Variants in AGFG1 observed in about 807,000 individuals in gnomAD.
AGFG1 encodes the protein ArfGAP with FG repeats 1.
In AGFG1, 10 loss-of-function variants were observed where a neutral mutation model predicts 60.6. That is an observed-to-expected ratio of 0.16 (90% CI 0.10 to 0.28). The LOEUF (loss-of-function observed/expected upper bound fraction) is 0.28. Ranked by LOEUF, AGFG1 falls within the 10% of genes least tolerant of loss-of-function variation. The pLI is 1.00. For missense variants in AGFG1, 537 were observed against 676.5 expected, an observed-to-expected ratio of 0.79 and a Z score of 2.29; for synonymous variants, 247 against 242.9, an observed-to-expected ratio of 1.02 and a Z score of -0.16.
At chr2:227,498,897 T>C (rs558588705) in intron 2 of AGFG1, among the ~76,000 whole-genome samples, 10 of 152,358 alleles carry the variant, frequency 6.6e-5, no homozygotes, top group Non-Finnish European at 1.3e-4. Flanking sequence ...TTTCTTGCCA[T>C]TGTGTGTTAT....
At chr2:227,496,200 G>A (rs1337110058) in intron 2 of AGFG1, among the ~76,000 whole-genome samples, 3 of 151,880 alleles carry the variant, frequency 2.0e-5, no homozygotes, top group African/African-American at 7.3e-5. Context: ...GGCATTGCAT[G>A]CCAGTATTTG....
At chr2:227,495,735 T>C (rs567912535) in intron 2 of AGFG1, among the ~76,000 whole-genome samples, 1 of 152,134 alleles carries the variant, frequency 6.6e-6, no homozygotes, top group East Asian at 1.9e-4. Context: ...AATAATTTTA[T>C]TTTGAAATAT....
At chr2:227,503,572 C>T (rs1361815192) in intron 2 of AGFG1, among the ~76,000 whole-genome samples, 2 of 152,140 alleles carry the variant, frequency 1.3e-5, no homozygotes, top group African/African-American at 4.8e-5. Flanking sequence ...CTCATTTCTC[C>T]CTCCACTGTT....
chr2:227,534,489 T>C (rs924525373), intron 7 of AGFG1, among the ~76,000 whole-genome samples: 2 of 152,226 alleles, frequency 1.3e-5, no homozygotes, highest in Non-Finnish European at 2.9e-5. Flanking sequence ...GATAGACTGT[T>C]CACATTAGGT....
chr2:227,536,806 T>C (rs1044382958), intron 9 of AGFG1, 95 bp from the exon 10 acceptor site: 19 of 1,546,656 alleles, frequency 1.2e-5, no homozygotes, highest in Non-Finnish European at 1.6e-5. Context: ...ATCAGAATCC[T>C]TGAGTTTTCT....
At chr2:227,530,260 A>C (rs898479547) in intron 5 of AGFG1, among the ~76,000 whole-genome samples, 2 of 152,138 alleles carry the variant, frequency 1.3e-5, no homozygotes, top group African/African-American at 4.8e-5. Flanking sequence ...GAGTGTCCAG[A>C]CAGTAATTTT....
At chr2:227,497,768 G>T (rs1356115490) in intron 2 of AGFG1, among the ~76,000 whole-genome samples, 1 of 107,680 alleles carries the variant, frequency 9.3e-6, no homozygotes, top group Non-Finnish European at 1.7e-5. Flanking sequence ...TTTTGGGGAC[G>T]GAGTCTTACT....
intron 1 of AGFG1, among the ~76,000 whole-genome samples, chr2:227,483,416 T>C (rs1243179626): frequency 2.0e-5 from 3 of 152,146 alleles, no homozygotes; most frequent in Non-Finnish European, 1.5e-5. Flanking sequence ...TCTTAACATA[T>C]GTATAGATTC....
At chr2:227,482,104 A>C (rs941364299) in intron 1 of AGFG1, among the ~76,000 whole-genome samples, 11 of 152,038 alleles carry the variant, frequency 7.2e-5, no homozygotes, top group African/African-American at 1.2e-4. Flanking sequence ...TGACCTCGTG[A>C]TCTGCCCGCT....
rs537915528 is a variant in AGFG1, at chr2:227,548,057, C to T, written c.1379-3902C>T. ...CTACAACATGGATGAACCTTGAAAA[C>T]ATTCTGCTGAGCAGAAGAAACTCGT... is the stretch of plus-strand genomic sequence containing the variant. On this transcript the variant is annotated intron_variant, in intron 10 of 12. Coordinates refer to ENST00000310078, the MANE Select transcript of AGFG1 (RefSeq NM_004504.5). Among the ~76,000 whole-genome samples, 5 of 152,322 alleles carry T rather than the reference C, an allele frequency of 3.3e-5. No homozygotes were observed. In the South Asian group the frequency reaches 1.0e-3, roughly 32 times the overall value.
intron 10 of AGFG1, among the ~76,000 whole-genome samples, chr2:227,541,684 T>C (rs1692496245): frequency 6.6e-6 from 1 of 152,200 alleles, no homozygotes; most frequent in Non-Finnish European, 1.5e-5. Context: ...TGCAGGCTCT[T>C]TTTTGGTTCC....
chr2:227,487,749 G>A (rs1690683759), intron 1 of AGFG1, among the ~76,000 whole-genome samples: 1 of 152,136 alleles, frequency 6.6e-6, no homozygotes, highest in South Asian at 2.1e-4. Context: ...AGGGTGGGGT[G>A]TGGGTGGTAT....
intron 6 of AGFG1, chr2:227,532,092 G>GT (rs1559191041): frequency 4.2e-6 from 6 of 1,445,366 alleles, no homozygotes; most frequent in South Asian, 1.3e-5. Context: ...TTTCTTTTTT[G>GT]TTTTTTCTTT....
chr2:227,545,357 G>A (rs368033490), intron 10 of AGFG1, among the ~76,000 whole-genome samples: 35 of 152,118 alleles, frequency 2.3e-4, no homozygotes, highest in Middle Eastern at 6.3e-3. Flanking sequence ...TTTGCCATTC[G>A]TCTAATCTTT....
At chr2:227,496,164 A>G (rs528722665) in intron 2 of AGFG1, among the ~76,000 whole-genome samples, 2 of 151,964 alleles carry the variant, frequency 1.3e-5, no homozygotes, top group Admixed American at 6.5e-5. Context: ...CTCCACAGGC[A>G]TGGTCTATGT....
intron 2 of AGFG1, among the ~76,000 whole-genome samples, chr2:227,497,849 A>C (rs1420836679): frequency 1.4e-5 from 2 of 140,982 alleles, no homozygotes; most frequent in Non-Finnish European, 3.0e-5. Flanking sequence ...GATTCAAGTG[A>C]TTCTCCTGCC....
At chr2:227,524,993 G>C (rs1691948693) in intron 5 of AGFG1, 78 bp downstream of exon 5, 1 of 1,525,068 alleles carries the variant, frequency 6.6e-7, no homozygotes, top group African/African-American at 1.4e-5. Flanking sequence ...ATCACACTTT[G>C]AGGATCAGTA....
intron 1 of AGFG1, among the ~76,000 whole-genome samples, chr2:227,482,117 G>A (rs1197014171): frequency 1.3e-5 from 2 of 151,812 alleles, no homozygotes; most frequent in Non-Finnish European, 2.9e-5. Flanking sequence ...TGCCCGCTTC[G>A]GCCTCCCAAA....
intron 2 of AGFG1, among the ~76,000 whole-genome samples, chr2:227,499,947 T>G (rs1691104307): frequency 6.6e-6 from 1 of 152,236 alleles, no homozygotes; most frequent in African/African-American, 2.4e-5. Context: ...CTGTGTCTTT[T>G]TCATTGCTCT....
Sources: allele counts gnomAD v4.1 joint callset (sites outside exome capture counted in the v4.1 genomes callset), GRCh38; gene constraint gnomAD v4.1.1; transcripts MANE v1.5; gene names NCBI Gene and HGNC (gene_info 2026-07-23, HGNC 2026-07-21).